COL17A1: variants seen among roughly 807,000 people sequenced by gnomAD.
COL17A1 encodes collagen type XVII alpha 1 chain, also known as collagen alpha-1(XVII) chain.
In COL17A1, 181 loss-of-function variants were observed where a neutral mutation model predicts 218.4. The ratio of observed to expected loss-of-function variants is 0.83; its 90% confidence interval spans 0.73 to 0.94. COL17A1 has a LOEUF of 0.94. COL17A1 is among the 40% of genes least tolerant of loss of function. COL17A1 has a pLI of 0.00. For synonymous variants in COL17A1, 721 were observed against 731.0 expected (o/e 0.99, Z 0.22); for missense variants, 1,924 against 1,945.9 (o/e 0.99, Z 0.21).
chr10:104,033,882 C>A, intron 52 of COL17A1, 63 bp downstream of exon 52: 1 of 1,609,176 alleles, frequency 6.2e-7, no homozygotes, highest in Non-Finnish European at 8.5e-7. Context: ...AACAAGAAAG[C>A]CAGTCTGGAG....
intron 34 of COL17A1, 114 bp from the exon 35 acceptor site, chr10:104,043,695 A>G: frequency 6.6e-7 from 1 of 1,509,924 alleles, no homozygotes; most frequent in Non-Finnish European, 9.2e-7. Flanking sequence ...ATCGCTGCTA[A>G]ATTTCCCTCC....
intron 45 of COL17A1, 144 bp downstream of exon 45, chr10:104,038,261 CA>C (rs2086322160): frequency 1.1e-6 from 1 of 914,310 alleles, no homozygotes; most frequent in African/African-American, 1.6e-5. Context: ...CACACACACA[CA>C]CACACACACA....
In COL17A1 at chr10:104,034,222, G is replaced by A. The variant is rs750979545; in HGVS notation, c.3879C>T (p.Ser1293=). 6.2e-7 allele frequency: 1 copy of A among 1,612,462 alleles called. No individual in the cohort carries two copies. The highest frequency in any genetic ancestry group is 1.7e-5 in the Admixed American group (1 of 59,960). The change falls in exon 52 of 56, where the codon AGC becomes AGT. Residue 1293 remains serine, a synonymous_variant. Transcript: ENST00000648076. ...TGACAGATGAGCTGTGTGAGGAGGAGCTGCTACCCCGACTGTGGGAGGCAT... is the reference window on the plus strand; with the variant it reads ...TGACAGATGAGCTGTGTGAGGAGGAACTGCTACCCCGACTGTGGGAGGCAT... ...STDASHSRGS[S]SSSHSSSVRR...
intron 9 of COL17A1, among the ~76,000 whole-genome samples, chr10:104,069,421 A>C (rs1316747317): frequency 1.3e-5 from 2 of 152,246 alleles, no homozygotes; most frequent in Non-Finnish European, 1.5e-5. Context: ...TGGGATTACT[A>C]TACCCCTTGG....
chr10:104,074,100 C>A (rs1202316905), intron 6 of COL17A1, 84 bp downstream of exon 6: 1 of 1,604,794 alleles, frequency 6.2e-7, no homozygotes, highest in African/African-American at 1.3e-5. Context: ...CATGAGGTCC[C>A]CTACTCCCAC....
intron 15 of COL17A1, among the ~76,000 whole-genome samples, chr10:104,058,539 G>T (rs1028594104): frequency 6.6e-6 from 1 of 152,118 alleles, no homozygotes; most frequent in Non-Finnish European, 1.5e-5. Flanking sequence ...CTTGGTTAAG[G>T]GACTCTGAAC....
intron 11 of COL17A1, 185 bp downstream of exon 11, chr10:104,063,562 G>T (rs1237565250): frequency 6.6e-6 from 6 of 908,772 alleles, no homozygotes; most frequent in Non-Finnish European, 1.0e-5. Flanking sequence ...ACGTCCCCTC[G>T]CCTGAGACTT....
Position 104,072,020 on chromosome 10 carries a change from A to G in COL17A1, c.463+12T>C, listed in dbSNP as rs752793055. On this transcript the variant is annotated intron_variant, in intron 8 of 55. Transcript: ENST00000648076. ...TGGACCCTTTCTTTTCAGCAAGATC[A>G]TGACCACTTACATCGGGTGGATGGG... 3.1e-6 allele frequency: 5 copies of G among 1,614,144 alleles called. No individual in the cohort carries two copies. The South Asian group carries it at 5.5e-5, about 18-fold the overall frequency.
rs1209547336 is a variant in COL17A1 at position 104,033,990 on chromosome 10, G to C, written c.4111C>G (p.Leu1371Val). The C allele has an allele frequency of 6.2e-7, 1 of 1,614,048 alleles. No homozygotes were observed. The highest frequency in any genetic ancestry group is 2.2e-5 in the East Asian group (1 of 44,892). The change falls in exon 52 of 56, where the codon CTG (leucine) becomes GTG (valine). Residue 1371 changes from leucine to valine, a missense_variant. Leu to Val is a conservative substitution (Grantham distance 32). Coordinates refer to ENST00000648076, the MANE Select transcript of COL17A1 (RefSeq NM_000494.4). ...GLLGADFAGD[L>V]DYNELAVRVS... ...CTCACAGCCAGCTCATTGTAATCCA[G>C]ATCTCCAGCAAAGTCAGCTCCCAAT...
intron 50 of COL17A1, among the ~76,000 whole-genome samples, 164 bp from the exon 51 acceptor site, chr10:104,034,931 T>G (rs759109785): frequency 1.3e-5 from 2 of 152,140 alleles, no homozygotes; most frequent in Non-Finnish European, 2.9e-5. Context: ...GCCTGCTGTT[T>G]CCTGACATCA....
chr10:104,047,692 A>T (rs2134599288), intron 31 of COL17A1, 47 bp downstream of exon 31: 1 of 1,465,438 alleles, frequency 6.8e-7, no homozygotes, highest in Non-Finnish European at 9.6e-7. Context: ...CACACAAAGC[A>T]CACACACACT....
chr10:104,035,438 C>T, intron 49 of COL17A1, 36 bp downstream of exon 49: 1 of 1,613,596 alleles, frequency 6.2e-7, no homozygotes, highest in South Asian at 1.1e-5. Flanking sequence ...GCTTCCTCCC[C>T]AACCAGTTGG....
At position 104,053,970 on chromosome 10, in the gene COL17A1, G is replaced by A; in HGVS notation, c.1784C>T (p.Pro595Leu). The A allele has an allele frequency of 6.2e-7, 1 of 1,612,218 alleles. No homozygotes were observed. Among genetic ancestry groups the A allele is most frequent in the Non-Finnish European group, 8.5e-7 (1 of 1,178,242 alleles). The change falls in exon 22 of 56, where the codon CCC becomes CTC. Residue 595 changes from proline (P) to leucine (L), a missense_variant. By Grantham distance (98) the Pro-to-Leu change is moderately conservative. Transcript: ENST00000648076. ...TCCTTGTGGACCTGGGTGGCCCAAG[G>A]GCCCAGGGATACCTGTGAACACACA... ...GFPGTPGIPGPLGHPGPQGPK... is the reference protein window; with the variant it reads ...GFPGTPGIPGLLGHPGPQGPK...
At chr10:104,046,201 A>G (rs2086408092) in intron 32 of COL17A1, among the ~76,000 whole-genome samples, 1 of 152,226 alleles carries the variant, frequency 6.6e-6, no homozygotes, top group Non-Finnish European at 1.5e-5. Context: ...CATTGGAAGC[A>G]TGTCCCTATG....
chr10:104,048,026 C>T, intron 30 of COL17A1, 43 bp downstream of exon 30: 1 of 1,612,678 alleles, frequency 6.2e-7, no homozygotes, highest in Non-Finnish European at 8.5e-7. Flanking sequence ...GGAACAGGGG[C>T]TGTGACGGGA....
intron 23 of COL17A1, among the ~76,000 whole-genome samples, chr10:104,052,511 C>T (rs2086479523): frequency 6.6e-6 from 1 of 152,170 alleles, no homozygotes; most frequent in African/African-American, 2.4e-5. Flanking sequence ...AGTCTGTTAG[C>T]ATTAAGAGGA....
At position 104,063,831 on chromosome 10, in the gene COL17A1, G is replaced by A. The variant is rs1459552785; in HGVS notation, c.767-13C>T. 1.2e-6 allele frequency: 2 copies of A among 1,614,124 alleles called. No individual in the cohort carries two copies. The highest frequency in any genetic ancestry group is 2.2e-5 in the East Asian group (1 of 44,886). On this transcript the variant is annotated splice_polypyrimidine_tract_variant and intron_variant, in intron 10 of 55. Transcript: ENST00000648076. ...GGAACTCCGAAGACTGCAGGGGCAA[G>A]GAGGAAGGCTGGTGAGAGGGACATC...
At chr10:104,041,727 G>A (rs1248237337) in intron 36 of COL17A1, among the ~76,000 whole-genome samples, 189 bp from the exon 37 acceptor site, 1 of 152,172 alleles carries the variant, frequency 6.6e-6, no homozygotes, top group Non-Finnish European at 1.5e-5. Flanking sequence ...TCACTCAGAG[G>A]CAGGGCAGGA....
At chr10:104,039,403 C>T (rs762229447) in intron 43 of COL17A1, 42 bp downstream of exon 43, 59 of 1,599,692 alleles carry the variant, frequency 3.7e-5, no homozygotes, top group Non-Finnish European at 5.0e-5. Flanking sequence ...GCACCAGGCT[C>T]ACCCCTACTC....
Sources: gnomAD v4.1 joint callset for allele counts (sites outside exome capture counted in the v4.1 genomes callset) on GRCh38, gnomAD v4.1.1 for gene constraint, MANE v1.5 for transcripts, NCBI Gene and HGNC (gene_info 2026-07-23, HGNC 2026-07-21) for gene names.